DPYSL2: variants seen among roughly 807,000 people sequenced by gnomAD.
The protein encoded by DPYSL2 is dihydropyrimidinase like 2.
A neutral mutation model predicts 69.9 loss-of-function variants in DPYSL2; 13 were observed. That is an observed-to-expected ratio of 0.19 (90% CI 0.12 to 0.30). The LOEUF (loss-of-function observed/expected upper bound fraction) is 0.30. DPYSL2 is among the 10% of genes least tolerant of loss of function. DPYSL2 has a pLI of 1.00. For missense variants in DPYSL2, 587 were observed against 918.9 expected, an observed-to-expected ratio of 0.64 and a Z score of 4.67; for synonymous variants, 326 against 359.1, an observed-to-expected ratio of 0.91 and a Z score of 1.04.
At chr8:26,629,946 C>T (rs529269539) in intron 7 of DPYSL2, among the ~76,000 whole-genome samples, 1 of 150,440 alleles carries the variant, frequency 6.6e-6, no homozygotes, top group Admixed American at 6.6e-5. Context: ...CGTGCACAAG[C>T]ACACACACGT....
At chr8:26,629,982 T>C (rs549003411) in intron 7 of DPYSL2, among the ~76,000 whole-genome samples, 1 of 111,804 alleles carries the variant, frequency 8.9e-6, no homozygotes, top group African/African-American at 2.7e-5. Flanking sequence ...CACACACATA[T>C]ACATACACAC....
intron 1 of DPYSL2, chr8:26,578,582 C>T (rs1801413052): frequency 8.3e-6 from 11 of 1,330,602 alleles, no homozygotes; most frequent in Non-Finnish European, 7.7e-6. Flanking sequence ...AGAGATGCTG[C>T]AGCGTCGGCC....
chr8:26,622,502 A>G (rs1250312149), intron 3 of DPYSL2, among the ~76,000 whole-genome samples: 5 of 76,578 alleles, frequency 6.5e-5, no homozygotes, highest in South Asian at 7.3e-4. Context: ...GTGTGTATAT[A>G]TATATTTTTT....
intron 1 of DPYSL2, chr8:26,576,947 G>A (rs916196158): frequency 1.0e-5 from 3 of 290,354 alleles, no homozygotes; most frequent in Admixed American, 5.5e-5. Context: ...AGGGAGCCGA[G>A]GTGGGCGTGA....
rs1036424514 is a variant in DPYSL2, at chr8:26,598,583, C to G, written c.628+14600C>G. 1.3e-5 allele frequency among the ~76,000 whole-genome samples: 2 copies of G among 152,168 alleles called. No individual in the cohort carries two copies. Among genetic ancestry groups the G allele is most frequent in the African/African-American group, 4.8e-5 (2 of 41,438 alleles). ...GCCCCCACCTTGGTGAGCACCTTTC[C>G]CCCCAGGCACAGTCCCTGCTTACGG... is the stretch of plus-strand genomic sequence containing the variant. On this transcript the variant is annotated intron_variant, in intron 3 of 13. Transcript: ENST00000521913. This position sits in a 1 kb window ranked among gnomAD's most constrained non-coding sequence, Gnocchi z 4.2.
At chr8:26,578,443 G>A in intron 1 of DPYSL2, 2 of 1,505,016 alleles carry the variant, frequency 1.3e-6, no homozygotes, top group Non-Finnish European at 1.8e-6. Flanking sequence ...GATGGTGGTG[G>A]TGGTTGTGGG....
In DPYSL2 at chr8:26,533,073, T is replaced by C. The variant is rs1800537578; in HGVS notation, c.354+18394T>C. On this transcript the variant is annotated intron_variant, in intron 1 of 13. Coordinates refer to ENST00000521913, the MANE Select transcript of DPYSL2 (RefSeq NM_001197293.3). This position sits in a 1 kb window ranked among gnomAD's most constrained non-coding sequence, Gnocchi z 4.8. ...TCTGTCTTTTTGATTCCAGCCATCCTACTGGGTATGAGTCAGTATCTCTTG... is the reference window on the plus strand; with the variant it reads ...TCTGTCTTTTTGATTCCAGCCATCCCACTGGGTATGAGTCAGTATCTCTTG... Among the ~76,000 whole-genome samples, 1 of 152,238 alleles carries C rather than the reference T, an allele frequency of 6.6e-6. No individual in the cohort carries two copies. Among genetic ancestry groups the C allele is most frequent in the Admixed American group, 6.5e-5 (1 of 15,278 alleles).
intron 1 of DPYSL2, among the ~76,000 whole-genome samples, chr8:26,569,378 A>AAAG (rs1394585201): frequency 5.9e-5 from 1 of 16,998 alleles, no homozygotes; most frequent in Non-Finnish European, 1.7e-4. Flanking sequence ...AAACAAAAAC[A>AAAG]AAAAAAAACC....
chr8:26,584,108 G>C, intron 3 of DPYSL2, 125 bp downstream of exon 3: 2 of 909,768 alleles, frequency 2.2e-6, no homozygotes, highest in Non-Finnish European at 3.3e-6. Flanking sequence ...TACCAAATAA[G>C]GGGGTGAGGA....
chr8:26,583,397 A>C (rs1322844527), intron 2 of DPYSL2, among the ~76,000 whole-genome samples: 1 of 151,576 alleles, frequency 6.6e-6, no homozygotes, highest in Non-Finnish European at 1.5e-5. Flanking sequence ...TCTGGTGAAA[A>C]GGATATGATA....
rs1386344520 is a variant in DPYSL2 at position 26,643,345 on chromosome 8, CTGGG to C, written c.1127-91_1127-88del. 17 of 1,357,420 alleles carry C rather than the reference CTGGG, an allele frequency of 1.3e-5. No homozygotes were observed. Among genetic ancestry groups the C allele is most frequent in the Non-Finnish European group, 1.7e-5 (17 of 996,220 alleles). 84.1% of individuals were successfully genotyped at this position (1,357,420 alleles called of 1,614,324 possible). On this transcript the variant is annotated intron_variant, in intron 8 of 13. Coordinates refer to ENST00000521913, the MANE Select transcript of DPYSL2 (RefSeq NM_001197293.3). The surrounding 1 kb of genome is among the most constrained non-coding windows in gnomAD (Gnocchi z 6.5). ...TTCCTATAAAGGGATAGTGAGTGCA[CTGGG>C]TGCTGCTGGGCAGGCAGTGGCTCCT...
At chr8:26,523,496 C>A (rs577673533) in intron 1 of DPYSL2, among the ~76,000 whole-genome samples, 16 of 152,256 alleles carry the variant, frequency 1.1e-4, no homozygotes, top group African/African-American at 7.2e-5. Flanking sequence ...CAGCCCCTGG[C>A]AATCACCTTT....
chr8:26,551,581 G>A (rs1800875081), intron 1 of DPYSL2, among the ~76,000 whole-genome samples: 1 of 152,026 alleles, frequency 6.6e-6, no homozygotes, highest in South Asian at 2.1e-4. Context: ...CAACTAAATG[G>A]ATCTAATTGA....
intron 7 of DPYSL2, among the ~76,000 whole-genome samples, chr8:26,629,165 A>G (rs923463496): frequency 2.0e-5 from 3 of 152,168 alleles, no homozygotes; most frequent in African/African-American, 7.2e-5. Flanking sequence ...CTGCATGCAT[A>G]TGCACACATA....
intron 1 of DPYSL2, among the ~76,000 whole-genome samples, chr8:26,558,052 A>G (rs571534600): frequency 6.6e-6 from 1 of 152,070 alleles, no homozygotes; most frequent in South Asian, 2.1e-4. Flanking sequence ...ACAAAACTAA[A>G]TATTATCTTA....
intron 1 of DPYSL2, among the ~76,000 whole-genome samples, chr8:26,534,414 C>T (rs1361668619): frequency 6.6e-6 from 1 of 152,002 alleles, no homozygotes; most frequent in African/African-American, 2.4e-5. Flanking sequence ...CCCCCTTACC[C>T]TCCCAAAATA....
chr8:26,557,875 T>C (rs775154500), intron 1 of DPYSL2, among the ~76,000 whole-genome samples: 1 of 151,784 alleles, frequency 6.6e-6, no homozygotes, highest in Non-Finnish European at 1.5e-5. Context: ...TGGATTTTCA[T>C]GTGTAGTGGC....
chr8:26,573,810 C>T lies in DPYSL2; in HGVS notation c.355-8159C>T, dbSNP rs187070142. ...AAAGATCATGCAACTGCACTCCAGC[C>T]TGGGCGACAGAGTGAGACTCCACCT... On this transcript the variant is annotated intron_variant, in intron 1 of 13. Coordinates refer to ENST00000521913, the MANE Select transcript of DPYSL2 (RefSeq NM_001197293.3). 2.1e-5 allele frequency among the ~76,000 whole-genome samples: 3 copies of T among 139,902 alleles called. No homozygotes were observed. The East Asian group carries it at 6.3e-4, about 29-fold the overall frequency. 91.8% of individuals were successfully genotyped at this position (139,902 alleles called of 152,430 possible). A position where few individuals can be genotyped will look rare whatever the true frequency, so the allele number is the denominator to read the frequency against.
intron 1 of DPYSL2, among the ~76,000 whole-genome samples, chr8:26,536,041 C>G (rs946444383): frequency 1.3e-5 from 2 of 151,606 alleles, no homozygotes; most frequent in Non-Finnish European, 2.9e-5. Context: ...CCAGCCTCAG[C>G]CTTCCAAGTG....
Sources: gnomAD v4.1 joint callset for allele counts (sites outside exome capture counted in the v4.1 genomes callset) on GRCh38, gnomAD v4.1.1 for gene constraint, Gnocchi (gnomAD v3.1) non-coding constraint, MANE v1.5 for transcripts, NCBI Gene and HGNC (gene_info 2026-07-23, HGNC 2026-07-21) for gene names.